Variants in JAZF1 observed in about 807,000 individuals in gnomAD.
JAZF1 encodes the protein juxtaposed with another zinc finger protein 1.
A neutral mutation model predicts 26.4 loss-of-function variants in JAZF1; 8 were observed. The observed-to-expected ratio is 0.30, with a 90% CI of 0.18 to 0.55. The LOEUF is 0.55. Among genes scored for constraint, JAZF1 ranks in the 20% least tolerant of loss-of-function variants. JAZF1 has a pLI of 0.94. For missense variants in JAZF1, 199 were observed against 322.0 expected (o/e 0.62, Z 2.92); for synonymous variants, 126 against 122.3 (o/e 1.03, Z -0.20).
chr7:28,081,300 A>G (rs1036969387), intron 1 of JAZF1, among the ~76,000 whole-genome samples: 1 of 152,198 alleles, frequency 6.6e-6, no homozygotes, highest in African/African-American at 2.4e-5. Flanking sequence ...TAAACAGTAA[A>G]TGAAGACAGG....
chr7:28,160,493 G>T (rs1432488135), intron 1 of JAZF1, among the ~76,000 whole-genome samples: 1 of 152,160 alleles, frequency 6.6e-6, no homozygotes, highest in Non-Finnish European at 1.5e-5. Flanking sequence ...GGCGAGGCTT[G>T]TTTTGTGAAG....
chr7:28,130,975 T>C (rs920986351), intron 1 of JAZF1, among the ~76,000 whole-genome samples: 1 of 152,216 alleles, frequency 6.6e-6, no homozygotes, highest in Admixed American at 6.5e-5. Context: ...AAAAGTTATA[T>C]ATTCTGGGAA....
intron 1 of JAZF1, among the ~76,000 whole-genome samples, chr7:28,086,985 T>C (rs568625150): frequency 6.6e-5 from 10 of 152,362 alleles, no homozygotes; most frequent in African/African-American, 1.9e-4. Flanking sequence ...TAACTTACTA[T>C]GTGTCTTTCT....
At chr7:27,998,293 C>CT (rs1452535063) in intron 1 of JAZF1, among the ~76,000 whole-genome samples, 1 of 152,170 alleles carries the variant, frequency 6.6e-6, no homozygotes, top group Non-Finnish European at 1.5e-5. Context: ...ACACTGGACT[C>CT]TGTATAGATA....
In JAZF1 at chr7:27,912,480, G is replaced by A. The variant is rs370964314; in HGVS notation, c.189-17064C>T. The stretch of plus-strand genomic sequence containing the variant: ...TTACCTCCATACTCTGCATCCTATC[G>A]AACGATAGGAGTCCGAAACTCTCAC... On this transcript the variant is annotated intron_variant, in intron 2 of 4. Coordinates refer to ENST00000283928, the MANE Select transcript of JAZF1 (RefSeq NM_175061.4). Among the ~76,000 whole-genome samples, 41 of 152,188 alleles carry A rather than the reference G, an allele frequency of 2.7e-4. No individual in the cohort carries two copies. In the East Asian group the frequency reaches 5.4e-3, roughly 20 times the overall value.
At chr7:27,837,491 A>G (rs1216350987) in intron 4 of JAZF1, among the ~76,000 whole-genome samples, 3 of 151,824 alleles carry the variant, frequency 2.0e-5, no homozygotes, top group Admixed American at 1.3e-4. Flanking sequence ...CATCTGAGAC[A>G]TGTGCTGGGT....
chr7:27,860,347 A>G (rs1314637172), intron 3 of JAZF1, among the ~76,000 whole-genome samples: 1 of 152,198 alleles, frequency 6.6e-6, no homozygotes, highest in African/African-American at 2.4e-5. Context: ...ACATTAAGTG[A>G]GGCCTTCCTG....
At chr7:28,023,496 A>G (rs1781202519) in intron 1 of JAZF1, among the ~76,000 whole-genome samples, 1 of 152,258 alleles carries the variant, frequency 6.6e-6, no homozygotes, top group Admixed American at 6.5e-5. Flanking sequence ...GAAATTCCAG[A>G]TTCCTGGTGT....
At chr7:27,846,692 A>G (rs1329660442) in intron 3 of JAZF1, 4 of 333,820 alleles carry the variant, frequency 1.2e-5, no homozygotes, top group African/African-American at 8.7e-5. Flanking sequence ...TTTTGATTGC[A>G]TTTCTCTGAT....
In JAZF1 at chr7:27,918,659, A is replaced by G. The variant is rs144011447; in HGVS notation, c.189-23243T>C. ...GCTGCAGAGTTATACAGAAAATTTG[A>G]GAGCAGAGTTGCAAGTAGCCACGTG... is the stretch of plus-strand genomic sequence containing the variant. On this transcript the variant is annotated intron_variant, in intron 2 of 4. Transcript: ENST00000283928. Among the ~76,000 whole-genome samples the G allele has an allele frequency of 2.8e-4, 42 of 152,340 alleles. No homozygotes were observed. In the East Asian group the frequency reaches 5.4e-3, roughly 20 times the overall value.
chr7:28,143,947 T>C (rs1782991648), intron 1 of JAZF1, among the ~76,000 whole-genome samples: 3 of 152,196 alleles, frequency 2.0e-5, no homozygotes. Context: ...CCTAAAACAG[T>C]ACCTGGAGCC....
chr7:27,833,576 G>A (rs73075361), intron 4 of JAZF1, among the ~76,000 whole-genome samples: 11,442 of 152,100 alleles, frequency 0.075, 628 homozygotes, highest in Middle Eastern at 0.11. Flanking sequence ...TCTTGTCCCC[G>A]CCGTACAGTT....
At chr7:28,083,314 G>A (rs1784165996) in intron 1 of JAZF1, among the ~76,000 whole-genome samples, 1 of 152,096 alleles carries the variant, frequency 6.6e-6, no homozygotes, top group South Asian at 2.1e-4. Context: ...CCCAGAATCT[G>A]CACAAGGCCT....
chr7:28,021,671 G>A (rs888041536), intron 1 of JAZF1, among the ~76,000 whole-genome samples: 4 of 152,176 alleles, frequency 2.6e-5, no homozygotes, highest in African/African-American at 9.7e-5. Context: ...ACCAGGCAGG[G>A]CCTCCTGACC....
intron 2 of JAZF1, among the ~76,000 whole-genome samples, chr7:27,960,549 G>A (rs972177887): frequency 2.6e-5 from 4 of 152,224 alleles, no homozygotes; most frequent in Non-Finnish European, 5.9e-5. Context: ...TTCTGTAGGA[G>A]TTAAGCTGTG....
At chr7:27,958,834 A>G (rs1785142774) in intron 2 of JAZF1, among the ~76,000 whole-genome samples, 1 of 152,210 alleles carries the variant, frequency 6.6e-6, no homozygotes, top group South Asian at 2.1e-4. Flanking sequence ...GGAAAGAAGA[A>G]TGGATGACAA....
chr7:28,136,980 C>T (rs771369895), intron 1 of JAZF1, among the ~76,000 whole-genome samples: 1 of 152,212 alleles, frequency 6.6e-6, no homozygotes, highest in Non-Finnish European at 1.5e-5. Flanking sequence ...ATGGCCAATG[C>T]TGAATGCTTA....
chr7:28,166,125 T>C (rs923279264), intron 1 of JAZF1, among the ~76,000 whole-genome samples: 2 of 151,950 alleles, frequency 1.3e-5, no homozygotes, highest in Non-Finnish European at 2.9e-5. Context: ...TATATATATA[T>C]ATAAAAAAAG....
At chr7:27,866,361 G>A (rs1783472836) in intron 3 of JAZF1, among the ~76,000 whole-genome samples, 1 of 152,190 alleles carries the variant, frequency 6.6e-6, no homozygotes, top group Non-Finnish European at 1.5e-5. Context: ...ACTGTCCAGA[G>A]CCCACATGGT....
Sources: allele counts gnomAD v4.1 joint callset (sites outside exome capture counted in the v4.1 genomes callset), GRCh38; gene constraint gnomAD v4.1.1; transcripts MANE v1.5; gene names NCBI Gene and HGNC (gene_info 2026-07-23, HGNC 2026-07-21).